IRAG1: variants seen among roughly 807,000 people sequenced by gnomAD.
IRAG1 encodes inositol 1,4,5-triphosphate receptor associated 1.
IRAG1 carries 62 observed loss-of-function variants against 106.2 expected under a neutral mutation model. The ratio of observed to expected loss-of-function variants is 0.58; its 90% CI spans 0.48 to 0.72. The LOEUF is 0.72. Ranked by LOEUF, IRAG1 falls within the 30% of genes least tolerant of loss-of-function variation. The pLI is 0.00. For synonymous variants in IRAG1, 462 were observed against 443.9 expected (o/e 1.04, Z -0.51); for missense variants, 1,064 against 1,140.7 (o/e 0.93, Z 0.97).
chr11:10,633,292 G>C (rs189636250), intron 3 of IRAG1, among the ~76,000 whole-genome samples: 9 of 152,112 alleles, frequency 5.9e-5, no homozygotes, highest in Admixed American at 2.0e-4. Flanking sequence ...AGCCAGGATG[G>C]TCTCGATCTC....
In IRAG1 at chr11:10,626,123, G is replaced by A; in HGVS notation, c.1211C>T (p.Pro404Leu). 1 of 1,543,274 alleles carries A rather than the reference G, an allele frequency of 6.5e-7. No homozygotes were observed. The highest frequency in any genetic ancestry group is 1.4e-5 in the African/African-American group (1 of 72,308). Reference sequence around the variant, plus strand: ...CTTGGCAAGCACTTTCTGCAGCCGGGGGCCAGGTTCTTCAGGGCCACTGTC... The same window carrying A: ...CTTGGCAAGCACTTTCTGCAGCCGGAGGCCAGGTTCTTCAGGGCCACTGTC... ...SWDSGPEEPGPRLQKVLAKLP... is the reference protein window; with the variant it reads ...SWDSGPEEPGLRLQKVLAKLP... Residue 404 changes from proline to leucine, a missense_variant, in exon 9 of 21, where the codon CCC (proline) becomes CTC (leucine). Pro to Leu is a moderately conservative substitution (Grantham distance 98). Coordinates refer to ENST00000423302, the MANE Select transcript of IRAG1 (RefSeq NM_130385.4).
Position 10,643,081 on chromosome 11 carries a change from G to A in IRAG1, c.225+8944C>T, listed in dbSNP as rs550408025. The stretch of plus-strand genomic sequence containing the variant: ...TCCCAGCTACTCGGGAAGCTGAGGC[G>A]GGAGAATGGCGTGAACCCAGGAGGC... On this transcript the variant is annotated intron_variant, in intron 2 of 20. Transcript: ENST00000423302. Among the ~76,000 whole-genome samples the A allele has an allele frequency of 3.4e-5, 5 of 147,110 alleles. No individual in the cohort carries two copies. The East Asian group carries it at 5.9e-4, about 17-fold the overall frequency.
rs376014234 is a variant in IRAG1 at position 10,668,486 on chromosome 11, A to T, written c.68-16304T>A. 9.8e-5 allele frequency among the ~76,000 whole-genome samples: 15 copies of T among 152,352 alleles called. No individual in the cohort carries two copies. In the South Asian group the frequency reaches 2.5e-3, roughly 25 times the overall value. The stretch of plus-strand genomic sequence containing the variant: ...ATCTGACCAACTAATGGTTTTTGTA[A>T]ATAAATTTTTATCAAAATACAGCAC... On this transcript the variant is annotated intron_variant, in intron 1 of 20. Coordinates refer to ENST00000423302, the MANE Select transcript of IRAG1 (RefSeq NM_130385.4).
At chr11:10,654,072 G>A (rs1030573841) in intron 1 of IRAG1, among the ~76,000 whole-genome samples, 1 of 152,192 alleles carries the variant, frequency 6.6e-6, no homozygotes, top group Non-Finnish European at 1.5e-5. Flanking sequence ...TCCTCTGGAA[G>A]GTACTGCTGA....
intron 2 of IRAG1, 120 bp downstream of exon 2, chr11:10,651,905 A>C (rs1380500343): frequency 1.7e-6 from 2 of 1,208,254 alleles, no homozygotes; most frequent in African/African-American, 1.5e-5. Flanking sequence ...CCAGGTACCC[A>C]CTGCAACCTA....
intron 2 of IRAG1, among the ~76,000 whole-genome samples, chr11:10,642,813 G>C (rs1857615878): frequency 6.6e-6 from 1 of 152,190 alleles, no homozygotes; most frequent in Admixed American, 6.5e-5. Context: ...AACAGGGACT[G>C]CCTTGGTAGA....
rs1423107901 is a variant in IRAG1 at position 10,671,877 on chromosome 11, C to T, written c.68-19695G>A. On this transcript the variant is annotated intron_variant, in intron 1 of 20. Transcript: ENST00000423302. ...ATCTCATTCCAATTTCATATGGAAA[C>T]ACAAGGAAGCAACAATAATCAAAAC... 2.6e-5 allele frequency among the ~76,000 whole-genome samples: 4 copies of T among 152,126 alleles called. 1 individual carries two copies. The Middle Eastern group carries it at 0.01, about 388-fold the overall frequency.
intron 19 of IRAG1, 24 bp from the exon 20 acceptor site, chr11:10,580,613 G>A: frequency 6.2e-7 from 1 of 1,611,060 alleles, no homozygotes; most frequent in Non-Finnish European, 8.5e-7. Context: ...AGGAACAGTT[G>A]AGTCTGGAAA....
intron 1 of IRAG1, among the ~76,000 whole-genome samples, chr11:10,672,749 G>A (rs928154883): frequency 2.0e-5 from 3 of 152,168 alleles, no homozygotes; most frequent in Admixed American, 1.3e-4. Flanking sequence ...AACCGCTTTG[G>A]AAAACAGCTT....
At chr11:10,625,910 C>T (rs1005418264) in intron 9 of IRAG1, 56 bp downstream of exon 9, 3 of 1,362,680 alleles carry the variant, frequency 2.2e-6, no homozygotes, top group Non-Finnish European at 1.9e-6. Flanking sequence ...CTGAGGTCTT[C>T]AGCCCAGGGA....
chr11:10,606,564 G>A (rs962314334), intron 12 of IRAG1, among the ~76,000 whole-genome samples, 178 bp downstream of exon 12: 1 of 152,146 alleles, frequency 6.6e-6, no homozygotes, highest in Non-Finnish European at 1.5e-5. Context: ...ATGAACGGAC[G>A]TGGGAATGGG....
chr11:10,692,083 A>T (rs1361657382), intron 1 of IRAG1, among the ~76,000 whole-genome samples: 1 of 152,192 alleles, frequency 6.6e-6, no homozygotes, highest in Non-Finnish European at 1.5e-5. Context: ...AGCAGCTAGC[A>T]CATGGTTATC....
In IRAG1 at chr11:10,604,559, G is replaced by A; in HGVS notation, c.1603-14C>T. Reference sequence around the variant, plus strand: ...CACAAACACGTTCTGTTGGGAACAAGGGTGTGAGAGAGGTGCTGGGAGGAG... The same window carrying A: ...CACAAACACGTTCTGTTGGGAACAAAGGTGTGAGAGAGGTGCTGGGAGGAG... On this transcript the variant is annotated splice_polypyrimidine_tract_variant and intron_variant, in intron 12 of 20. Transcript: ENST00000423302. 6.2e-7 allele frequency: 1 copy of A among 1,613,998 alleles called. No homozygotes were observed. The highest frequency in any genetic ancestry group is 2.2e-5 in the East Asian group (1 of 44,886).
intron 16 of IRAG1, chr11:10,593,913 A>G (rs1452830824): frequency 5.2e-6 from 3 of 579,004 alleles, no homozygotes; most frequent in African/African-American, 1.9e-5. Flanking sequence ...AGCAATATGA[A>G]GGCTTATGAT....
At position 10,626,494 on chromosome 11, in the gene IRAG1, C is replaced by T; in HGVS notation, c.840G>A (p.Glu280=). 1 of 1,613,660 alleles carries T rather than the reference C, an allele frequency of 6.2e-7. No homozygotes were observed. Among genetic ancestry groups the T allele is most frequent in the Non-Finnish European group, 8.5e-7 (1 of 1,179,752 alleles). ...GRLAPRPPPV[E]KSKEIAIEQK... is the part of the protein sequence containing the mutation. ...GTTCTATTGCAATCTCTTTGGACTTCTCAACTGGAGGAGGACGAGGAGCCA... is the reference window on the plus strand; with the variant it reads ...GTTCTATTGCAATCTCTTTGGACTTTTCAACTGGAGGAGGACGAGGAGCCA... The change falls in exon 9 of 21, where the codon GAG becomes GAA. Residue 280 remains glutamate, a synonymous_variant. Transcript: ENST00000423302.
intron 1 of IRAG1, among the ~76,000 whole-genome samples, chr11:10,678,298 C>T (rs185337328): frequency 1.5e-4 from 23 of 152,332 alleles, no homozygotes; most frequent in East Asian, 3.9e-4. Context: ...ACTGCTTTCA[C>T]GCTGAGAGAG....
chr11:10,682,338 T>G (rs1456774541), intron 1 of IRAG1, among the ~76,000 whole-genome samples: 2 of 152,236 alleles, frequency 1.3e-5, no homozygotes, highest in Non-Finnish European at 2.9e-5. Context: ...CAGGCTCTCT[T>G]TGTTCATGTG....
At chr11:10,689,433 GATGTTGTGTGTT>G (rs982017842) in intron 1 of IRAG1, among the ~76,000 whole-genome samples, 2 of 152,180 alleles carry the variant, frequency 1.3e-5, no homozygotes, top group African/African-American at 4.8e-5. Flanking sequence ...CTTACAATGT[GATGTTGTGTGTT>G]TAAGGCTGGG....
intron 10 of IRAG1, among the ~76,000 whole-genome samples, chr11:10,615,042 A>G (rs1855286599): frequency 6.6e-6 from 1 of 152,252 alleles, no homozygotes; most frequent in African/African-American, 2.4e-5. Context: ...CTCATCTGAC[A>G]AAGGGCTAAT....
Sources: allele counts gnomAD v4.1 joint callset (sites outside exome capture counted in the v4.1 genomes callset), GRCh38; gene constraint gnomAD v4.1.1; transcripts MANE v1.5; gene names NCBI Gene and HGNC (gene_info 2026-07-23, HGNC 2026-07-21).